ROS1: variants seen among roughly 807,000 people sequenced by gnomAD.
ROS1 encodes the protein proto-oncogene tyrosine-protein kinase ROS.
A neutral mutation model predicts 273.5 loss-of-function variants in ROS1; 263 were observed. That is an observed-to-expected ratio of 0.96 (90% CI 0.87 to 1.06). The LOEUF (loss-of-function observed/expected upper bound fraction) is 1.06, where lower values mean the gene tolerates loss of function less well. ROS1 is among the 50% of genes least tolerant of loss of function. The pLI, the probability that ROS1 is intolerant of heterozygous loss-of-function variation, is 0.00. For missense variants in ROS1, 2,833 were observed against 2,751.1 expected (o/e 1.03, Z -0.67); for synonymous variants, 1,008 against 954.1 (o/e 1.06, Z -1.04).
chr6:117,411,230 TC>T (rs1398353151), intron 4 of ROS1, among the ~76,000 whole-genome samples: 1 of 151,296 alleles, frequency 6.6e-6, no homozygotes, highest in Non-Finnish European at 1.5e-5. Flanking sequence ...TCTCTCTCTC[TC>T]TCTCTCTCTC....
At chr6:117,358,114 G>A in intron 24 of ROS1, 105 bp from the exon 25 acceptor site, 1 of 715,484 alleles carries the variant, frequency 1.4e-6, no homozygotes, top group Non-Finnish European at 2.3e-6. Flanking sequence ...CTTCTCATTT[G>A]TAATCCCAAA....
chr6:117,383,423 A>G lies in ROS1; in HGVS notation c.2375T>C (p.Val792Ala), dbSNP rs111621779. The change falls in exon 17 of 44, where the codon GTT (valine) becomes GCT (alanine). Residue 792 changes from valine to alanine, a missense_variant. Transcript: ENST00000368507. ...LLVNDMVVDSVGGYLYWTTLY... is the reference protein window; with the variant it reads ...LLVNDMVVDSAGGYLYWTTLY... Reference sequence around the variant, plus strand: ...TGTGGTCCAGTAGAGATATCCACCAACTGAATCCACCACCATGTCATTCAC... The same window carrying G: ...TGTGGTCCAGTAGAGATATCCACCAGCTGAATCCACCACCATGTCATTCAC... The G allele has an allele frequency of 1.2e-4, 199 of 1,613,992 alleles. No homozygotes were observed. The African/African-American group carries it at 1.9e-3, about 15-fold the overall frequency.
chr6:117,355,617 T>G (rs1779243600), intron 26 of ROS1, among the ~76,000 whole-genome samples: 3 of 137,418 alleles, frequency 2.2e-5, no homozygotes, highest in South Asian at 2.2e-4. Context: ...TTAATTTTAG[T>G]TTTTTTTTTT....
intron 43 of ROS1, among the ~76,000 whole-genome samples, chr6:117,299,933 T>A (rs959419837): frequency 2.0e-5 from 3 of 150,502 alleles, no homozygotes; most frequent in African/African-American, 7.3e-5. Flanking sequence ...TCTTTTTTTT[T>A]TTTTTTTGAG....
At chr6:117,373,175 G>C (rs1780976546) in intron 18 of ROS1, among the ~76,000 whole-genome samples, 1 of 152,238 alleles carries the variant, frequency 6.6e-6, no homozygotes, top group African/African-American at 2.4e-5. Context: ...CCTCCAGCTA[G>C]ACATAAAAGT....
intron 18 of ROS1, among the ~76,000 whole-genome samples, chr6:117,375,531 C>T (rs1781260295): frequency 1.3e-5 from 2 of 152,178 alleles, no homozygotes; most frequent in Admixed American, 6.5e-5. Flanking sequence ...CCCCAGGACA[C>T]ACTATCTATA....
At chr6:117,332,618 A>T (rs1172862417) in intron 32 of ROS1, among the ~76,000 whole-genome samples, 1 of 152,226 alleles carries the variant, frequency 6.6e-6, no homozygotes, top group Non-Finnish European at 1.5e-5. Context: ...CAGCAAATGC[A>T]AAAGAGCTGA....
intron 43 of ROS1, among the ~76,000 whole-genome samples, chr6:117,296,017 C>T (rs1379345624): frequency 6.6e-6 from 1 of 152,164 alleles, no homozygotes; most frequent in Admixed American, 6.5e-5. Flanking sequence ...GAAATCAGTA[C>T]ATCAAAGAGA....
In ROS1 at chr6:117,341,532, T is replaced by A; in HGVS notation, c.4752A>T (p.Ser1584=). 1 of 1,613,726 alleles carries A rather than the reference T, an allele frequency of 6.2e-7. No individual in the cohort carries two copies. Among genetic ancestry groups the A allele is most frequent in the Non-Finnish European group, 8.5e-7 (1 of 1,179,676 alleles). Residue 1584 remains serine (S), a synonymous_variant, in exon 30 of 44, where the codon TCA becomes TCT. Transcript: ENST00000368507. Reference sequence around the variant, plus strand: ...GTGAGATTGCCAACTGATAACGGACTGATTCTTTAGGTCCATTTGGCTTGT... The same window carrying A: ...GTGAGATTGCCAACTGATAACGGACAGATTCTTTAGGTCCATTTGGCTTGT... ...ESHKPNGPKE[S]VRYQLAISHL...
chr6:117,382,075 GATA>G (rs1256365226), intron 17 of ROS1, among the ~76,000 whole-genome samples: 1 of 152,058 alleles, frequency 6.6e-6, no homozygotes, highest in Non-Finnish European at 1.5e-5. Flanking sequence ...TTACTCTTGA[GATA>G]ATATTATCAA....
chr6:117,363,090 C>T (rs1779940906), intron 21 of ROS1, among the ~76,000 whole-genome samples: 1 of 152,176 alleles, frequency 6.6e-6, no homozygotes, highest in South Asian at 2.1e-4. Flanking sequence ...ACAGGCAAGA[C>T]TTCCTTATGT....
chr6:117,361,554 T>C (rs1246335259), intron 22 of ROS1, among the ~76,000 whole-genome samples: 1 of 148,304 alleles, frequency 6.7e-6, no homozygotes, highest in Non-Finnish European at 1.5e-5. Flanking sequence ...TATACATATT[T>C]ATATTATATA....
chr6:117,289,413 C>T (rs993036365), intron 43 of ROS1, among the ~76,000 whole-genome samples: 5 of 152,266 alleles, frequency 3.3e-5, no homozygotes, highest in African/African-American at 1.2e-4. Flanking sequence ...TTTTAATGAA[C>T]TTCAATTGAA....
intron 28 of ROS1, among the ~76,000 whole-genome samples, 195 bp from the exon 29 acceptor site, chr6:117,342,739 C>A (rs113783553): frequency 2.1e-3 from 317 of 152,192 alleles, no homozygotes; most frequent in African/African-American, 7.5e-3. Context: ...AGAATAAATA[C>A]CAAATGATTG....
chr6:117,326,161 A>T (rs2128581357), intron 34 of ROS1, 63 bp downstream of exon 34: 2 of 772,368 alleles, frequency 2.6e-6, no homozygotes, highest in Non-Finnish European at 4.1e-6. Flanking sequence ...TTAAGAATGT[A>T]CTGATATTTA....
intron 1 of ROS1, among the ~76,000 whole-genome samples, chr6:117,418,758 A>G (rs540297777): frequency 6.6e-6 from 1 of 152,218 alleles, no homozygotes; most frequent in African/African-American, 2.4e-5. Flanking sequence ...GGCTATAGGG[A>G]GAGAGTCTCA....
intron 17 of ROS1, 147 bp downstream of exon 17, chr6:117,383,170 C>T (rs888222495): frequency 7.6e-6 from 4 of 527,946 alleles, no homozygotes; most frequent in Non-Finnish European, 9.5e-6. Context: ...TTTCAAATAA[C>T]AGAAAACTTG....
At chr6:117,293,622 T>C (rs1201055152) in intron 43 of ROS1, among the ~76,000 whole-genome samples, 1 of 152,074 alleles carries the variant, frequency 6.6e-6, no homozygotes, top group Non-Finnish European at 1.5e-5. Context: ...AAAATGTAGA[T>C]ACAATTATAA....
In ROS1 at chr6:117,425,744, G is replaced by T; in HGVS notation, c.-88C>A. Reference sequence around the variant, plus strand: ...TATTTGGGCTTCATCACTTCAATTGGAGGAGTAGCTGATGGATTTTGCTTT... The same window carrying T: ...TATTTGGGCTTCATCACTTCAATTGTAGGAGTAGCTGATGGATTTTGCTTT... On this transcript the variant is annotated 5_prime_UTR_variant, in exon 1 of 44. Transcript: ENST00000368507. 4.3e-6 allele frequency: 6 copies of T among 1,395,852 alleles called. No homozygotes were observed. The highest frequency in any genetic ancestry group is 6.0e-6 in the Non-Finnish European group (6 of 1,005,624). The allele number at this position is 1,395,852 out of a possible 1,614,324, so 86.5% of individuals were successfully genotyped here.
Sources: gnomAD v4.1 joint callset for allele counts (sites outside exome capture counted in the v4.1 genomes callset) on GRCh38, gnomAD v4.1.1 for gene constraint, MANE v1.5 for transcripts, NCBI Gene and HGNC (gene_info 2026-07-23, HGNC 2026-07-21) for gene names.